FOXO3: variants seen among roughly 807,000 people sequenced by gnomAD.
The protein encoded by FOXO3 is forkhead box protein O3.
Under a neutral mutation model 41.9 loss-of-function variants are expected in FOXO3, and 4 were observed. That is an observed-to-expected ratio of 0.10 (90% CI 0.05 to 0.22). The LOEUF (loss-of-function observed/expected upper bound fraction) is 0.22, where lower values mean the gene tolerates loss of function less well. FOXO3 is among the 10% of genes least tolerant of loss of function. The pLI, the probability that FOXO3 is intolerant of heterozygous loss-of-function variation, is 1.00. For missense variants in FOXO3, 534 were observed against 906.8 expected (o/e 0.59, Z 5.28); for synonymous variants, 318 against 389.3 (o/e 0.82, Z 2.16).
chr6:108,570,611 A>G (rs1394728190), intron 1 of FOXO3, among the ~76,000 whole-genome samples: 2 of 152,214 alleles, frequency 1.3e-5, no homozygotes, highest in African/African-American at 4.8e-5. Context: ...TATAAACATG[A>G]GCCCCTGCAA....
At chr6:108,596,079 C>A (rs1204234962) in intron 1 of FOXO3, among the ~76,000 whole-genome samples, 1 of 152,028 alleles carries the variant, frequency 6.6e-6, no homozygotes, top group African/African-American at 2.4e-5. Context: ...TTGAGGAATG[C>A]CCCCAAAGCT....
At chr6:108,614,247 T>C (rs998330029) in intron 1 of FOXO3, among the ~76,000 whole-genome samples, 3 of 152,152 alleles carry the variant, frequency 2.0e-5, no homozygotes, top group South Asian at 4.1e-4. Context: ...TCTCACTACA[T>C]GTTCTATCAA....
At chr6:108,633,759 A>G (rs764149987) in intron 1 of FOXO3, among the ~76,000 whole-genome samples, 1 of 152,084 alleles carries the variant, frequency 6.6e-6, no homozygotes, top group Non-Finnish European at 1.5e-5. Flanking sequence ...TGTTGAGGGT[A>G]AAGTTGAGGG....
At chr6:108,573,406 C>G (rs1329456383) in intron 1 of FOXO3, among the ~76,000 whole-genome samples, 1 of 152,210 alleles carries the variant, frequency 6.6e-6, no homozygotes, top group Non-Finnish European at 1.5e-5. Context: ...CCTTCTGACT[C>G]CATCTTGAAT....
At chr6:108,649,597 T>C (rs1386838979) in intron 1 of FOXO3, among the ~76,000 whole-genome samples, 1 of 144,076 alleles carries the variant, frequency 6.9e-6, no homozygotes, top group Non-Finnish European at 1.5e-5. Flanking sequence ...TGATCTTGGC[T>C]CATGGCAACC....
chr6:108,575,444 G>C (rs1776237684), intron 1 of FOXO3, among the ~76,000 whole-genome samples: 1 of 150,954 alleles, frequency 6.6e-6, no homozygotes, highest in Admixed American at 6.6e-5. Flanking sequence ...TACTGTGATG[G>C]TTTCATAGAG....
intron 1 of FOXO3, among the ~76,000 whole-genome samples, chr6:108,656,797 T>C (rs1778701793): frequency 6.6e-6 from 1 of 152,244 alleles, no homozygotes; most frequent in Admixed American, 6.5e-5. Context: ...CCATGTGTCT[T>C]CACAACCAGT....
At chr6:108,673,512 T>C (rs977285619) in intron 2 of FOXO3, among the ~76,000 whole-genome samples, 1 of 152,248 alleles carries the variant, frequency 6.6e-6, no homozygotes, top group Non-Finnish European at 1.5e-5. Context: ...TACAGGTGGT[T>C]TGGACTATTT....
intron 1 of FOXO3, among the ~76,000 whole-genome samples, chr6:108,612,579 C>T (rs183619618): frequency 1.3e-5 from 2 of 151,948 alleles, no homozygotes; most frequent in East Asian, 3.9e-4. Context: ...ACTCAGGAGG[C>T]TGTGGCAGAA....
chr6:108,636,143 G>A (rs986177501), intron 1 of FOXO3, among the ~76,000 whole-genome samples: 1 of 152,206 alleles, frequency 6.6e-6, no homozygotes, highest in African/African-American at 2.4e-5. Flanking sequence ...GCACCTCTGT[G>A]CCTCTGCCTG....
At chr6:108,665,300 A>G (rs530249784) in intron 2 of FOXO3, among the ~76,000 whole-genome samples, 1 of 152,178 alleles carries the variant, frequency 6.6e-6, no homozygotes, top group East Asian at 1.9e-4. Flanking sequence ...GGGCTTTCCT[A>G]GAAAGACTCT....
intron 1 of FOXO3, among the ~76,000 whole-genome samples, chr6:108,591,340 C>T (rs984171109): frequency 1.3e-5 from 2 of 152,160 alleles, no homozygotes; most frequent in South Asian, 2.1e-4. Flanking sequence ...CACTAGCAGT[C>T]GTGCATCATT....
intron 1 of FOXO3, among the ~76,000 whole-genome samples, chr6:108,614,702 T>A (rs1777445340): frequency 6.6e-6 from 1 of 151,996 alleles, no homozygotes; most frequent in South Asian, 2.1e-4. Context: ...GGTTTTTTGT[T>A]GATGTTTTGG....
intron 2 of FOXO3, among the ~76,000 whole-genome samples, chr6:108,669,089 G>A (rs1779141430): frequency 6.6e-6 from 1 of 151,974 alleles, no homozygotes; most frequent in Non-Finnish European, 1.5e-5. Context: ...CTGCAGCCTG[G>A]GTGACAGAGC....
intron 2 of FOXO3, among the ~76,000 whole-genome samples, chr6:108,665,389 G>A (rs1779019438): frequency 6.6e-6 from 1 of 152,106 alleles, no homozygotes; most frequent in Admixed American, 6.5e-5. Context: ...ATGATCGGCA[G>A]GTACTTCTAA....
chr6:108,668,412 C>T (rs1291874754), intron 2 of FOXO3, among the ~76,000 whole-genome samples: 1 of 152,120 alleles, frequency 6.6e-6, no homozygotes, highest in Non-Finnish European at 1.5e-5. Flanking sequence ...TGTGTTCTCT[C>T]AGGTGTTCAT....
chr6:108,636,049 A>G (rs551715769), intron 1 of FOXO3, among the ~76,000 whole-genome samples: 16 of 152,362 alleles, frequency 1.1e-4, no homozygotes, highest in African/African-American at 3.4e-4. Context: ...CTCCTCAGCT[A>G]GGGAAGCAAG....
chr6:108,640,176 C>T (rs1778219673), intron 1 of FOXO3, among the ~76,000 whole-genome samples: 1 of 152,162 alleles, frequency 6.6e-6, no homozygotes, highest in Non-Finnish European at 1.5e-5. Flanking sequence ...GAAGGAGGGG[C>T]AGTGCTCCCA....
At chr6:108,618,789 TC>T (rs1417471934) in intron 1 of FOXO3, among the ~76,000 whole-genome samples, 1 of 152,234 alleles carries the variant, frequency 6.6e-6, no homozygotes, top group African/African-American at 2.4e-5. Flanking sequence ...AGTCTAAGAC[TC>T]TAGGAACCGA....
Sources: allele counts gnomAD v4.1 joint callset (sites outside exome capture counted in the v4.1 genomes callset), GRCh38; gene constraint gnomAD v4.1.1; transcripts MANE v1.5; gene names NCBI Gene and HGNC (gene_info 2026-07-23, HGNC 2026-07-21).